The following IVNS1ABP variants were observed in gnomAD, a reference collection of about 807,000 sequenced individuals.
IVNS1ABP encodes the protein influenza virus NS1A-binding protein.
Under a neutral mutation model 78.9 loss-of-function variants are expected in IVNS1ABP, and 25 were observed. The ratio of observed to expected loss-of-function variants is 0.32; its 90% CI spans 0.23 to 0.44. The LOEUF (loss-of-function observed/expected upper bound fraction) is 0.44, where lower values mean the gene tolerates loss of function less well. IVNS1ABP is among the 20% of genes least tolerant of loss of function. The probability of loss-of-function intolerance (pLI) is 1.00; values close to 1 mark genes in which losing one functional copy is unlikely to be tolerated. For missense variants in IVNS1ABP, 494 were observed against 768.9 expected, an observed-to-expected ratio of 0.64 and a Z score of 4.23; for synonymous variants, 241 against 259.7, an observed-to-expected ratio of 0.93 and a Z score of 0.69.
In IVNS1ABP at chr1:185,309,531, C is replaced by T. The variant is rs370330579; in HGVS notation, c.-18-20G>A. Reference sequence around the variant, plus strand: ...ATTTGGCTAGATGATGAAAAGAAAGCTGAGTTATTTTACTTGCAACTGATG... The same window carrying T: ...ATTTGGCTAGATGATGAAAAGAAAGTTGAGTTATTTTACTTGCAACTGATG... On this transcript the variant is annotated intron_variant, in intron 2 of 14. Coordinates refer to ENST00000367498, the MANE Select transcript of IVNS1ABP (RefSeq NM_006469.5). 3.2e-6 allele frequency: 4 copies of T among 1,254,228 alleles called. No individual in the cohort carries two copies. The highest frequency in any genetic ancestry group is 3.5e-6 in the Non-Finnish European group (3 of 856,270). 77.7% of individuals were successfully genotyped at this position (1,254,228 alleles called of 1,614,324 possible). A position where few individuals can be genotyped will look rare whatever the true frequency, so the allele number is the denominator to read the frequency against.
chr1:185,312,643 A>G (rs146966164), intron 1 of IVNS1ABP, among the ~76,000 whole-genome samples: 2 of 152,230 alleles, frequency 1.3e-5, no homozygotes, highest in Non-Finnish European at 1.5e-5. Flanking sequence ...TTACCCTTGC[A>G]TCAAAACTAT....
At chr1:185,314,055 A>T (rs1665951708) in intron 1 of IVNS1ABP, among the ~76,000 whole-genome samples, 1 of 152,222 alleles carries the variant, frequency 6.6e-6, no homozygotes, top group South Asian at 2.1e-4. Flanking sequence ...TAAGACCAAG[A>T]TAAAACAAAA....
At chr1:185,306,311 A>T in intron 7 of IVNS1ABP, 7 of 354,336 alleles carry the variant, frequency 2.0e-5, no homozygotes, top group Admixed American at 4.8e-5. Context: ...GAGAAACTCA[A>T]GGTTACTCCA....
intron 2 of IVNS1ABP, 124 bp from the exon 3 acceptor site, chr1:185,309,635 T>G: frequency 1.7e-6 from 1 of 605,246 alleles, no homozygotes; most frequent in Non-Finnish European, 2.9e-6. Context: ...CATAAAAATT[T>G]CATCACACAA....
chr1:185,298,282 A>G lies in IVNS1ABP; in HGVS notation c.1682T>C (p.Leu561Pro). ...GAGVAVLNGK[L>P]FVCGGFDGSH... ...ACCATCAAAGCCACCACATACAAAC[A>G]GTTTTCCTAAAAGAGAAATGAGATG... Residue 561 changes from leucine (L) to proline (P), a missense_variant, in exon 15 of 15, where the codon CTG (leucine) becomes CCG (proline). Physicochemically the swap from Leu to Pro is moderately conservative, Grantham distance 98. Coordinates refer to ENST00000367498, the MANE Select transcript of IVNS1ABP (RefSeq NM_006469.5). The surrounding 1 kb of genome is among the most constrained non-coding windows in gnomAD (Gnocchi z 4.1). 6.2e-7 allele frequency: 1 copy of G among 1,612,558 alleles called. No individual in the cohort carries two copies. Among genetic ancestry groups the G allele is most frequent in the East Asian group, 2.2e-5 (1 of 44,864 alleles).
intron 1 of IVNS1ABP, among the ~76,000 whole-genome samples, chr1:185,314,128 G>A (rs1665954031): frequency 6.6e-6 from 1 of 152,170 alleles, no homozygotes; most frequent in Non-Finnish European, 1.5e-5. Context: ...TTAAAGGAAA[G>A]ACTTTATAAT....
chr1:185,309,359 A>C (rs1289449447), intron 3 of IVNS1ABP, 24 bp downstream of exon 3: 7 of 1,476,544 alleles, frequency 4.7e-6, no homozygotes, highest in Non-Finnish European at 6.5e-6. Flanking sequence ...AAATTCTATA[A>C]ATTTTGAATT....
rs1251414276 is a variant in IVNS1ABP, at chr1:185,297,608, A to T, written c.*427T>A. On this transcript the variant is annotated 3_prime_UTR_variant, in exon 15 of 15. Coordinates refer to ENST00000367498, the MANE Select transcript of IVNS1ABP (RefSeq NM_006469.5). ...TCTATTTAAATAAGTATCCTTTGTT[A>T]TAGAGTGTTCCAGTTATTGAAAAAG... is the stretch of plus-strand genomic sequence containing the variant. 2 of 168,654 alleles carry T rather than the reference A, an allele frequency of 1.2e-5. No homozygotes were observed. The highest frequency in any genetic ancestry group is 4.8e-5 in the African/African-American group (2 of 41,802). 10.4% of individuals were successfully genotyped at this position (168,654 alleles called of 1,614,324 possible).
Position 185,309,523 on chromosome 1 carries a change from A to C in IVNS1ABP, c.-18-12T>G. Reference sequence around the variant, plus strand: ...CCTTATAAATTTGGCTAGATGATGAAAAGAAAGCTGAGTTATTTTACTTGC... The same window carrying C: ...CCTTATAAATTTGGCTAGATGATGACAAGAAAGCTGAGTTATTTTACTTGC... On this transcript the variant is annotated splice_polypyrimidine_tract_variant and intron_variant, in intron 2 of 14. Coordinates refer to ENST00000367498, the MANE Select transcript of IVNS1ABP (RefSeq NM_006469.5). The C allele has an allele frequency of 7.5e-7, 1 of 1,330,170 alleles. No individual in the cohort carries two copies. Among genetic ancestry groups the C allele is most frequent in the Non-Finnish European group, 1.1e-6 (1 of 924,986 alleles). 82.4% of individuals were successfully genotyped at this position (1,330,170 alleles called of 1,614,324 possible). A position where few individuals can be genotyped will look rare whatever the true frequency, so the allele number is the denominator to read the frequency against.
At chr1:185,299,927 C>T in intron 13 of IVNS1ABP, 44 bp from the exon 14 acceptor site, 1 of 1,611,924 alleles carries the variant, frequency 6.2e-7, no homozygotes, top group Non-Finnish European at 8.5e-7. Flanking sequence ...ATCTCCCAGA[C>T]TCTAAGTGTA....
chr1:185,312,235 C>G (rs1487246080), intron 1 of IVNS1ABP, among the ~76,000 whole-genome samples: 1 of 152,146 alleles, frequency 6.6e-6, no homozygotes, highest in Admixed American at 6.6e-5. Context: ...GTAATCAGTC[C>G]TCCTACCTAT....
rs11548153 is a variant in IVNS1ABP, at chr1:185,317,070, G to T, written c.-364C>A. 3.3e-4 allele frequency: 132 copies of T among 398,748 alleles called. No individual in the cohort carries two copies. The highest frequency in any genetic ancestry group is 2.7e-5 in the Non-Finnish European group (6 of 226,224). 24.7% of individuals were successfully genotyped at this position (398,748 alleles called of 1,614,324 possible). On this transcript the variant is annotated 5_prime_UTR_variant, in exon 1 of 15. Transcript: ENST00000367498. ...CCAGAAGGCGGCGGAAGACGGGAGC[G>T]GTCAAGTAGAAGGACGAGGGGCCAG...
In IVNS1ABP at chr1:185,300,691, CT is replaced by C. The variant is rs1665568708; in HGVS notation, c.1121-134del. 4.4e-6 allele frequency: 4 copies of C among 917,096 alleles called. No individual in the cohort carries two copies. In the South Asian group the frequency reaches 7.0e-5, roughly 16 times the overall value. 56.8% of individuals were successfully genotyped at this position (917,096 alleles called of 1,614,324 possible). A position where few individuals can be genotyped will look rare whatever the true frequency, so the allele number is the denominator to read the frequency against. On this transcript the variant is annotated intron_variant, in intron 10 of 14. Transcript: ENST00000367498. ...ACTTTTTAAGGATGCCTTAGTTGAT[CT>C]TTTAACTAAGTGCTTGTAATAGCTG...
At position 185,297,953 on chromosome 1, in the gene IVNS1ABP, C is replaced by T; in HGVS notation, c.*82G>A. On this transcript the variant is annotated 3_prime_UTR_variant, in exon 15 of 15. Transcript: ENST00000367498. Reference sequence around the variant, plus strand: ...TGCTGTTAGCAACATCTATACCCACCCACCCTCTTTATTCACAAGTGTACC... The same window carrying T: ...TGCTGTTAGCAACATCTATACCCACTCACCCTCTTTATTCACAAGTGTACC... The T allele has an allele frequency of 7.3e-7, 1 of 1,375,512 alleles. No individual in the cohort carries two copies. Among genetic ancestry groups the T allele is most frequent in the South Asian group, 1.3e-5 (1 of 75,478 alleles). 85.2% of individuals were successfully genotyped at this position (1,375,512 alleles called of 1,614,324 possible). A position where few individuals can be genotyped will look rare whatever the true frequency, so the allele number is the denominator to read the frequency against.
Position 185,305,308 on chromosome 1 carries a change from C to G in IVNS1ABP, c.765+228G>C, listed in dbSNP as rs1665711095. Among the ~76,000 whole-genome samples, 1 of 152,026 alleles carries G rather than the reference C, an allele frequency of 6.6e-6. No homozygotes were observed. The highest frequency in any genetic ancestry group is 2.4e-5 in the African/African-American group (1 of 41,386). ...TATTGGCCTTTACTGTTTGTAATTC[C>G]TGCTTTATGAGAAAAAAATTTCAAT... On this transcript the variant is annotated intron_variant, in intron 8 of 14. Transcript: ENST00000367498. The surrounding 1 kb of genome is among the most constrained non-coding windows in gnomAD (Gnocchi z 4.0).
At chr1:185,303,676 C>G (rs1252933526) in intron 8 of IVNS1ABP, among the ~76,000 whole-genome samples, 4 of 151,888 alleles carry the variant, frequency 2.6e-5, no homozygotes, top group Non-Finnish European at 5.9e-5. Context: ...TCCTTCATGC[C>G]CCTAGATTAA....
chr1:185,300,768 T>C, intron 10 of IVNS1ABP: 1 of 691,634 alleles, frequency 1.4e-6, no homozygotes, highest in Non-Finnish European at 2.4e-6. Flanking sequence ...GCTTGAATAT[T>C]AGAAAAATTT....
chr1:185,298,223 G>T lies in IVNS1ABP; in HGVS notation c.1741C>A (p.Pro581Thr). The change falls in exon 15 of 15, where the codon CCA (proline) becomes ACA (threonine). Residue 581 changes from proline (P) to threonine (T), a missense_variant. Physicochemically the swap from Pro to Thr is conservative, Grantham distance 38. Coordinates refer to ENST00000367498, the MANE Select transcript of IVNS1ABP (RefSeq NM_006469.5). The surrounding 1 kb of genome is among the most constrained non-coding windows in gnomAD (Gnocchi z 4.1). ...ATCATCTTCCATTCATTTCTAGTTG[G>T]ATCATACATTTCCACACAACTGATG... ...HAISCVEMYDPTRNEWKMMGN... is the reference protein window; with the variant it reads ...HAISCVEMYDTTRNEWKMMGN... The T allele has an allele frequency of 6.2e-7, 1 of 1,613,572 alleles. No individual in the cohort carries two copies. Among genetic ancestry groups the T allele is most frequent in the Non-Finnish European group, 8.5e-7 (1 of 1,179,714 alleles).
chr1:185,309,780 CA>C (rs1335881256), intron 2 of IVNS1ABP, among the ~76,000 whole-genome samples: 2 of 152,022 alleles, frequency 1.3e-5, no homozygotes, highest in African/African-American at 4.8e-5. Flanking sequence ...GCCCATTAAG[CA>C]AATTCATTCT....
Sources: gnomAD v4.1 joint callset for allele counts (sites outside exome capture counted in the v4.1 genomes callset) on GRCh38, gnomAD v4.1.1 for gene constraint, Gnocchi (gnomAD v3.1) non-coding constraint, MANE v1.5 for transcripts, NCBI Gene and HGNC (gene_info 2026-07-23, HGNC 2026-07-21) for gene names.